Variants in CMIP observed in about 807,000 individuals in gnomAD.
CMIP encodes C-Maf-inducing protein.
In CMIP, 13 loss-of-function variants were observed where a neutral mutation model predicts 97.3. The observed-to-expected ratio is 0.13, with a 90% CI of 0.09 to 0.21. CMIP has a LOEUF of 0.21. Among genes scored for constraint, CMIP ranks in the 10% least tolerant of loss-of-function variants. CMIP has a pLI of 1.00. For synonymous variants in CMIP, 538 were observed against 436.3 expected, an observed-to-expected ratio of 1.23 and a Z score of -2.91; for missense variants, 847 against 1,024.9, an observed-to-expected ratio of 0.83 and a Z score of 2.37.
rs1275129898 is a variant in CMIP, at chr16:81,445,437, C to T, written c.196C>T (p.Arg66Trp). The change falls in exon 1 of 21, where the codon CGG becomes TGG. Residue 66 changes from arginine (R) to tryptophan (W), a missense_variant. Physicochemically the swap from Arg to Trp is moderately radical, Grantham distance 101 (BLOSUM62 -3). Transcript: ENST00000537098. ...QEGDIQVCVI[R>W]HPRTFLSKIL... ...GGGCGACATTCAGGTCTGTGTCATC[C>T]GGCACCCGCGGACCTTTCTCAGCAA... 3.8e-6 allele frequency: 6 copies of T among 1,587,462 alleles called. No individual in the cohort carries two copies. The highest frequency in any genetic ancestry group is 5.1e-6 in the Non-Finnish European group (6 of 1,167,068).
rs764878488 is a variant in CMIP at position 81,704,098 on chromosome 16, G to T, written c.2091+13G>T. On this transcript the variant is annotated intron_variant, in intron 18 of 20. Transcript: ENST00000537098. ...GTGGTCCACTCAGGTACGTCCTCCC[G>T]CCCTGCTGCAGTCCCCCACACCCTC... The T allele has an allele frequency of 1.3e-6, 2 of 1,597,800 alleles. No homozygotes were observed. Among genetic ancestry groups the T allele is most frequent in the East Asian group, 2.3e-5 (1 of 44,302 alleles).
At chr16:81,635,984 A>AG (rs947889297) in intron 3 of CMIP, among the ~76,000 whole-genome samples, 8 of 143,728 alleles carry the variant, frequency 5.6e-5, no homozygotes, top group Non-Finnish European at 9.2e-5. Flanking sequence ...GGGTGGCGGG[A>AG]GGGAGGGCCG....
intron 1 of CMIP, among the ~76,000 whole-genome samples, chr16:81,511,817 C>G (rs1234878455): frequency 2.0e-5 from 3 of 152,188 alleles, no homozygotes; most frequent in African/African-American, 7.2e-5. Context: ...CCACCTCTAC[C>G]TCTCAAAGTG....
intron 1 of CMIP, among the ~76,000 whole-genome samples, chr16:81,446,808 G>A (rs1052192161): frequency 1.3e-5 from 2 of 152,198 alleles, no homozygotes; most frequent in Non-Finnish European, 2.9e-5. Context: ...GGGGAGGGGG[G>A]AAAAGTTAGC....
chr16:81,603,559 A>T, intron 1 of CMIP: 1 of 420,440 alleles, frequency 2.4e-6, no homozygotes, highest in Non-Finnish European at 4.7e-6. Context: ...TGATTGCCGA[A>T]GTCCACATTT....
At chr16:81,641,532 A>C (rs1479172222) in intron 3 of CMIP, among the ~76,000 whole-genome samples, 1 of 152,194 alleles carries the variant, frequency 6.6e-6, no homozygotes, top group African/African-American at 2.4e-5. Context: ...CCTGACACCA[A>C]GGCCAGCTTA....
At chr16:81,681,066 C>G (rs927641249) in intron 10 of CMIP, among the ~76,000 whole-genome samples, 33 of 152,198 alleles carry the variant, frequency 2.2e-4, no homozygotes, top group African/African-American at 7.2e-4. Flanking sequence ...TCAGGGCCAT[C>G]GCCAAGGGCC....
At chr16:81,567,218 C>T (rs769790241) in intron 1 of CMIP, among the ~76,000 whole-genome samples, 11 of 152,370 alleles carry the variant, frequency 7.2e-5, no homozygotes, top group African/African-American at 2.2e-4. Context: ...TGCCGCCTGG[C>T]GGAAACCCCG....
intron 4 of CMIP, among the ~76,000 whole-genome samples, chr16:81,653,520 C>G (rs1336264183): frequency 1.3e-5 from 2 of 152,210 alleles, no homozygotes; most frequent in Non-Finnish European, 2.9e-5. Flanking sequence ...GAGTAAAAAC[C>G]CAGGCTGGGA....
intron 1 of CMIP, among the ~76,000 whole-genome samples, chr16:81,563,422 T>C (rs2090922413): frequency 6.6e-6 from 1 of 152,218 alleles, no homozygotes; most frequent in Non-Finnish European, 1.5e-5. Context: ...GGAATGATGA[T>C]AATAGCAATA....
At chr16:81,640,948 C>T (rs2092299627) in intron 3 of CMIP, among the ~76,000 whole-genome samples, 1 of 152,110 alleles carries the variant, frequency 6.6e-6, no homozygotes, top group African/African-American at 2.4e-5. Context: ...AGACACAGTC[C>T]AACCCACAAC....
chr16:81,538,933 G>A (rs966384182), intron 1 of CMIP, among the ~76,000 whole-genome samples: 1 of 152,074 alleles, frequency 6.6e-6, no homozygotes, highest in African/African-American at 2.4e-5. Context: ...TCTGTTTGTG[G>A]AAACCTGATC....
intron 1 of CMIP, among the ~76,000 whole-genome samples, chr16:81,500,089 C>T (rs185064070): frequency 1.3e-5 from 2 of 152,298 alleles, no homozygotes; most frequent in Admixed American, 6.5e-5. Context: ...GGTCTCTGCT[C>T]CTCTTTCCCT....
At chr16:81,708,314 G>A (rs1908381035) in intron 20 of CMIP, among the ~76,000 whole-genome samples, 1 of 152,234 alleles carries the variant, frequency 6.6e-6, no homozygotes, top group Admixed American at 6.5e-5. Context: ...CCACTCGGGG[G>A]CCAACAGAAA....
chr16:81,513,528 C>T (rs746701743), intron 1 of CMIP, among the ~76,000 whole-genome samples: 7 of 152,202 alleles, frequency 4.6e-5, no homozygotes, highest in East Asian at 3.8e-4. Context: ...GTTTCTCTGC[C>T]GTGTCGGGGA....
chr16:81,553,744 G>A (rs1358277454), intron 1 of CMIP, among the ~76,000 whole-genome samples: 13 of 152,112 alleles, frequency 8.5e-5, no homozygotes, highest in Admixed American at 8.5e-4. Context: ...CTTGCCAAAA[G>A]CTATAGGCAG....
At chr16:81,495,215 A>T in intron 1 of CMIP, 1 of 969,050 alleles carries the variant, frequency 1.0e-6, no homozygotes, top group East Asian at 3.0e-5. Flanking sequence ...TTACTGTAGC[A>T]TAGGGTTTCT....
chr16:81,585,549 A>G (rs1379185904), intron 1 of CMIP, among the ~76,000 whole-genome samples: 1 of 152,162 alleles, frequency 6.6e-6, no homozygotes, highest in Non-Finnish European at 1.5e-5. Flanking sequence ...GACATTTCAT[A>G]TACGTGGATC....
chr16:81,651,839 G>C (rs2092432178), intron 3 of CMIP, among the ~76,000 whole-genome samples: 1 of 152,192 alleles, frequency 6.6e-6, no homozygotes, highest in Non-Finnish European at 1.5e-5. Context: ...GCCAACTCTA[G>C]AGCCCTGGGC....
Sources: allele counts gnomAD v4.1 joint callset (sites outside exome capture counted in the v4.1 genomes callset), GRCh38; gene constraint gnomAD v4.1.1; transcripts MANE v1.5; gene names NCBI Gene and HGNC (gene_info 2026-07-23, HGNC 2026-07-21).